AK2: variants seen among roughly 807,000 people sequenced by gnomAD.
AK2 encodes the protein adenylate kinase 2, mitochondrial.
AK2 carries 15 observed loss-of-function variants against 24.6 expected under a neutral mutation model. The observed-to-expected ratio is 0.61, with a 90% CI of 0.41 to 0.94. The LOEUF (loss-of-function observed/expected upper bound fraction) is 0.94, where lower values mean the gene tolerates loss of function less well. AK2 is among the 40% of genes least tolerant of loss of function. The probability of loss-of-function intolerance (pLI) is 0.00; values close to 1 mark genes in which losing one functional copy is unlikely to be tolerated. For synonymous variants in AK2, 102 were observed against 114.0 expected (o/e 0.90, Z 0.67); for missense variants, 257 against 304.1 (o/e 0.85, Z 1.15).
In AK2 at chr1:33,009,178, A is replaced by G. The variant is rs115654177; in HGVS notation, c.*4003T>C. On this transcript the variant is annotated 3_prime_UTR_variant, in exon 6 of 6. Coordinates refer to ENST00000672715, the MANE Select transcript of AK2 (RefSeq NM_001625.4). Reference sequence around the variant, plus strand: ...CTCTGTAACAAGATGCCTAAAGAAGAATAGTGGTGCTTCCAGCCCAGCTCC... The same window carrying G: ...CTCTGTAACAAGATGCCTAAAGAAGGATAGTGGTGCTTCCAGCCCAGCTCC... 5.3e-4 allele frequency: 239 copies of G among 453,148 alleles called. 2 individuals are homozygous for G. Among genetic ancestry groups the G allele is most frequent in the African/African-American group, 4.2e-3 (211 of 50,004 alleles). The allele number at this position is 453,148 out of a possible 1,614,324, so 28.1% of individuals were successfully genotyped here.
intron 1 of AK2, among the ~76,000 whole-genome samples, chr1:33,026,009 T>C (rs1332269604): frequency 4.6e-5 from 7 of 152,170 alleles, no homozygotes; most frequent in African/African-American, 1.7e-4. Flanking sequence ...AATGCAGAAT[T>C]AGAACAGGAA....
At position 33,013,402 on chromosome 1, in the gene AK2, T is replaced by C. The variant is rs751949732; in HGVS notation, c.499A>G (p.Ile167Val). Reference sequence around the variant, plus strand: ...CGACGGATCAAGGGTTCCCCGGTGATCTGAGAACAGGAAGACAGCAATGAA... The same window carrying C: ...CGACGGATCAAGGGTTCCCCGGTGACCTGAGAACAGGAAGACAGCAATGAA... ...NPPKEPMKDD[I>V]TGEPLIRRSD... The change falls in exon 6 of 6, where the codon ATC becomes GTC. Residue 167 changes from isoleucine (I) to valine (V), a missense_variant and splice_region_variant. By Grantham distance (29) the Ile-to-Val change is conservative (BLOSUM62 3). Coordinates refer to ENST00000672715, the MANE Select transcript of AK2 (RefSeq NM_001625.4). The C allele has an allele frequency of 1.2e-6, 2 of 1,613,386 alleles. No individual in the cohort carries two copies. Among genetic ancestry groups the C allele is most frequent in the African/African-American group, 2.7e-5 (2 of 75,040 alleles).
chr1:33,025,780 T>C (rs1366257663), intron 1 of AK2, among the ~76,000 whole-genome samples: 1 of 152,222 alleles, frequency 6.6e-6, no homozygotes, highest in Non-Finnish European at 1.5e-5. Context: ...ATGAGAAGAT[T>C]ATACAGAATT....
chr1:33,008,002 TTAATA>T lies in AK2; in HGVS notation c.*5174_*5178del, dbSNP rs1481515151. 2 of 453,666 alleles carry T rather than the reference TTAATA, an allele frequency of 4.4e-6. No individual in the cohort carries two copies. The highest frequency in any genetic ancestry group is 2.4e-5 in the Admixed American group (1 of 42,502). 28.1% of individuals were successfully genotyped at this position (453,666 alleles called of 1,614,324 possible). On this transcript the variant is annotated 3_prime_UTR_variant, in exon 6 of 6. Transcript: ENST00000672715. ...CAGAACCTCTCACACAGCTAAGAAT[TTAATA>T]TGTTAGACTATTATTAATTATGAAA...
At chr1:33,025,732 A>C (rs975790912) in intron 1 of AK2, among the ~76,000 whole-genome samples, 3 of 152,210 alleles carry the variant, frequency 2.0e-5, no homozygotes, top group Non-Finnish European at 2.9e-5. Flanking sequence ...TCCTCTAAGT[A>C]AAATGGAGAT....
chr1:33,029,536 C>T (rs1640112523), intron 1 of AK2: 1 of 151,630 alleles, frequency 6.6e-6, no homozygotes, highest in African/African-American at 2.4e-5. Context: ...GCCTTAGTCT[C>T]CCAGGTAGCT....
At chr1:33,021,509 C>T in intron 3 of AK2, 48 bp from the exon 4 acceptor site, 2 of 1,606,032 alleles carry the variant, frequency 1.2e-6, no homozygotes, top group Non-Finnish European at 1.7e-6. Context: ...CTTGGTTAGA[C>T]CCATCTCCTT....
intron 4 of AK2, among the ~76,000 whole-genome samples, chr1:33,017,842 C>T (rs1230096665): frequency 1.2e-4 from 18 of 152,086 alleles, no homozygotes; most frequent in Non-Finnish European, 4.4e-5. Flanking sequence ...GCAGCCTCGA[C>T]CTCCCTAGCT....
intron 4 of AK2, chr1:33,020,033 C>T: frequency 6.5e-7 from 1 of 1,528,238 alleles, no homozygotes; most frequent in South Asian, 1.2e-5. Context: ...AAGCTTCTGT[C>T]ATACTTCTGG....
In AK2 at chr1:33,011,083, T is replaced by C; in HGVS notation, c.*2098A>G. ...TTCCAGTTCTTATGGGCAGCCCAAA[T>C]ATTACTTGTACATGTTGTATGCACA... On this transcript the variant is annotated 3_prime_UTR_variant, in exon 6 of 6. Coordinates refer to ENST00000672715, the MANE Select transcript of AK2 (RefSeq NM_001625.4). The C allele has an allele frequency of 6.9e-7, 1 of 1,440,038 alleles. No homozygotes were observed. Among genetic ancestry groups the C allele is most frequent in the Non-Finnish European group, 9.1e-7 (1 of 1,102,678 alleles). The allele number at this position is 1,440,038 out of a possible 1,614,324, so 89.2% of individuals were successfully genotyped here.
At chr1:33,024,741 G>A (rs1413867586) in intron 1 of AK2, among the ~76,000 whole-genome samples, 174 bp from the exon 2 acceptor site, 1 of 152,168 alleles carries the variant, frequency 6.6e-6, no homozygotes, top group African/African-American at 2.4e-5. Context: ...AACATATACT[G>A]ATTATAGGGT....
intron 5 of AK2, chr1:33,014,281 T>C (rs1234219119): frequency 2.5e-6 from 1 of 402,980 alleles, no homozygotes; most frequent in African/African-American, 2.1e-5. Flanking sequence ...AGGTACAATC[T>C]GGGCACTGCA....
At chr1:33,031,089 AC>A (rs1640207978) in intron 1 of AK2, 1 of 152,172 alleles carries the variant, frequency 6.6e-6, no homozygotes, top group African/African-American at 2.4e-5. Flanking sequence ...ATCATTACCA[AC>A]CTCACTGGGT....
rs1638788060 is a variant in AK2 at position 33,011,017 on chromosome 1, C to T, written c.*2164G>A. On this transcript the variant is annotated 3_prime_UTR_variant, in exon 6 of 6. Transcript: ENST00000672715. ...GAATTAAATGAAGCAAAAACAGAAT[C>T]CTAACCATACTGAGAAGGGTATATG... 2 of 985,268 alleles carry T rather than the reference C, an allele frequency of 2.0e-6. No homozygotes were observed. Among genetic ancestry groups the T allele is most frequent in the Non-Finnish European group, 2.4e-6 (2 of 829,928 alleles). The allele number at this position is 985,268 out of a possible 1,614,324, so 61.0% of individuals were successfully genotyped here.
At position 33,019,718 on chromosome 1, in the gene AK2, G is replaced by A. The variant is rs554813856; in HGVS notation, c.425+1649C>T. 1.3e-4 allele frequency: 138 copies of A among 1,036,656 alleles called. 2 individuals are homozygous for A. In the South Asian group the frequency reaches 4.3e-3, roughly 33 times the overall value. 64.2% of individuals were successfully genotyped at this position (1,036,656 alleles called of 1,614,324 possible). The stretch of plus-strand genomic sequence containing the variant: ...TGTTCAACCTCATTAGGAAATCAAA[G>A]TAATAATGTCTGAAATAAGAAAACA... On this transcript the variant is annotated intron_variant, in intron 4 of 5. Transcript: ENST00000672715.
intron 4 of AK2, 42 bp from the exon 5 acceptor site, chr1:33,014,636 T>A (rs1317167400): frequency 6.5e-7 from 1 of 1,545,732 alleles, no homozygotes; most frequent in Admixed American, 1.7e-5. Flanking sequence ...TAACTGACAG[T>A]ACGCGCCTGC....
At chr1:33,025,209 A>AAAG (rs1639804968) in intron 1 of AK2, among the ~76,000 whole-genome samples, 1 of 151,942 alleles carries the variant, frequency 6.6e-6, no homozygotes, top group Admixed American at 6.6e-5. Context: ...AAAAAAAAAA[A>AAAG]AGAGAATAAA....
chr1:33,012,811 T>C lies in AK2; in HGVS notation c.*370A>G, dbSNP rs1638908158. 9.0e-7 allele frequency: 1 copy of C among 1,114,198 alleles called. No homozygotes were observed. The highest frequency in any genetic ancestry group is 2.3e-5 in the Admixed American group (1 of 43,466). 69.0% of individuals were successfully genotyped at this position (1,114,198 alleles called of 1,614,324 possible). A position where few individuals can be genotyped will look rare whatever the true frequency, so the allele number is the denominator to read the frequency against. ...GCTCAGGAGGCTGAGGTGGGATAAT[T>C]GCTTGAGCCCCAGGAGGCAGAGGTT... On this transcript the variant is annotated 3_prime_UTR_variant, in exon 6 of 6. Coordinates refer to ENST00000672715, the MANE Select transcript of AK2 (RefSeq NM_001625.4).
chr1:33,016,272 C>T (rs1041016266), intron 4 of AK2, among the ~76,000 whole-genome samples: 1 of 152,128 alleles, frequency 6.6e-6, no homozygotes, highest in South Asian at 2.1e-4. Context: ...AATACAGTGG[C>T]GCGGTCTCTG....
Sources: allele counts gnomAD v4.1 joint callset (sites outside exome capture counted in the v4.1 genomes callset), GRCh38; gene constraint gnomAD v4.1.1; transcripts MANE v1.5; gene names NCBI Gene and HGNC (gene_info 2026-07-23, HGNC 2026-07-21).